The following KIF13B variants were observed in gnomAD, a reference collection of about 807,000 sequenced individuals.
KIF13B encodes the protein kinesin family member 13B, also known as kinesin-like protein KIF13B.
A neutral mutation model predicts 222.0 loss-of-function variants in KIF13B; 127 were observed. The observed-to-expected ratio is 0.57, with a 90% confidence interval of 0.50 to 0.66. KIF13B has a LOEUF of 0.66. Among genes scored for constraint, KIF13B ranks in the 30% least tolerant of loss-of-function variants. The probability of loss-of-function intolerance (pLI) is 0.00; values close to 1 mark genes in which losing one functional copy is unlikely to be tolerated. For synonymous variants in KIF13B, 976 were observed against 919.0 expected (o/e 1.06, Z -1.12); for missense variants, 2,173 against 2,379.0 (o/e 0.91, Z 1.80).
At chr8:29,072,822 G>A (rs1358289456) in intron 38 of KIF13B, among the ~76,000 whole-genome samples, 1 of 152,180 alleles carries the variant, frequency 6.6e-6, no homozygotes, top group Non-Finnish European at 1.5e-5. Context: ...GTAGGTGCAC[G>A]CTAAAACCCT....
intron 3 of KIF13B, among the ~76,000 whole-genome samples, chr8:29,191,708 A>C (rs1385679671): frequency 6.6e-6 from 1 of 152,182 alleles, no homozygotes; most frequent in Non-Finnish European, 1.5e-5. Flanking sequence ...CCTTATCACC[A>C]CTTTCTAGAA....
chr8:29,181,962 G>C lies in KIF13B; in HGVS notation c.542C>G (p.Pro181Arg). 1 of 1,613,596 alleles carries C rather than the reference G, an allele frequency of 6.2e-7. No individual in the cohort carries two copies. The highest frequency in any genetic ancestry group is 8.5e-7 in the Non-Finnish European group (1 of 1,179,698). The stretch of plus-strand genomic sequence containing the variant: ...CAGTTTAGAAAGTCCGTCGACATAA[G>C]GTCCCAACACACTATGCTCTCTGAC... ...LKVREHSVLG[P>R]YVDGLSKLAV... is the part of the protein sequence containing the mutation. The change falls in exon 7 of 40, where the codon CCT becomes CGT. Residue 181 changes from proline (P) to arginine (R), a missense_variant. This residue lies in a region of KIF13B where 1,480 missense variants were observed against 1,722.8 expected (regional missense o/e 0.86). Transcript: ENST00000524189.
intron 21 of KIF13B, among the ~76,000 whole-genome samples, chr8:29,135,711 A>C (rs750299660): frequency 6.6e-6 from 1 of 152,170 alleles, no homozygotes; most frequent in Non-Finnish European, 1.5e-5. Flanking sequence ...CCTGGCCGAC[A>C]TGGTGAAACC....
At chr8:29,117,697 T>C (rs1809668003) in intron 30 of KIF13B, among the ~76,000 whole-genome samples, 1 of 152,184 alleles carries the variant, frequency 6.6e-6, no homozygotes, top group Non-Finnish European at 1.5e-5. Flanking sequence ...TATTAAGTAA[T>C]AATGTGTCCT....
At chr8:29,080,327 CAAAAAAAAAAA>C (rs5890439) in intron 37 of KIF13B, among the ~76,000 whole-genome samples, 3 of 67,152 alleles carry the variant, frequency 4.5e-5, no homozygotes, top group Admixed American at 1.9e-4. Context: ...GACCCAGTCT[CAAAAAAAAAAA>C]AAAAAAAAAA....
chr8:29,122,089 C>T (rs988885591), intron 29 of KIF13B, among the ~76,000 whole-genome samples: 7 of 152,042 alleles, frequency 4.6e-5, no homozygotes, highest in Non-Finnish European at 8.8e-5. Context: ...CCCGTCTCTA[C>T]TAAAAATACA....
Position 29,196,209 on chromosome 8 carries a change from C to A in KIF13B, c.150-10G>T. Reference sequence around the variant, plus strand: ...TACCTTCGGCTGGCCCCTGAGCTCCCAAAACAGATGTCATCATTGACGTGA... The same window carrying A: ...TACCTTCGGCTGGCCCCTGAGCTCCAAAAACAGATGTCATCATTGACGTGA... On this transcript the variant is annotated splice_polypyrimidine_tract_variant and intron_variant, in intron 2 of 39. Transcript: ENST00000524189. The A allele has an allele frequency of 6.4e-7, 1 of 1,553,416 alleles. No individual in the cohort carries two copies. Among genetic ancestry groups the A allele is most frequent in the Non-Finnish European group, 8.7e-7 (1 of 1,148,778 alleles).
intron 1 of KIF13B, among the ~76,000 whole-genome samples, chr8:29,245,945 A>G (rs918477349): frequency 1.3e-5 from 2 of 152,246 alleles, no homozygotes; most frequent in Non-Finnish European, 2.9e-5. Context: ...CGTCAAAAAT[A>G]TCAAAATACT....
At chr8:29,156,140 T>C (rs914287153) in intron 13 of KIF13B, among the ~76,000 whole-genome samples, 2 of 152,210 alleles carry the variant, frequency 1.3e-5, no homozygotes, top group South Asian at 2.1e-4. Flanking sequence ...AGCTCATTTT[T>C]TTGTATTTTT....
Position 29,188,559 on chromosome 8 carries a change from G to C in KIF13B, c.272C>G (p.Ala91Gly). The change falls in exon 5 of 40, where the codon GCT becomes GGT. Residue 91 changes from alanine (A) to glycine (G), a missense_variant. Physicochemically the swap from Ala to Gly is moderately conservative, Grantham distance 60. Around this residue, in one of 2 missense-constraint regions of KIF13B, gnomAD observed 1,480 missense variants for 1,722.8 expected, o/e 0.86. Coordinates refer to ENST00000524189, the MANE Select transcript of KIF13B (RefSeq NM_015254.4). ...KCLGENILQN[A>G]FDGYNACIFA... ...GATACATGCATTGTAGCCATCAAAA[G>C]CATTCTGCAGGATATTCTCTCCAAG... 6.2e-7 allele frequency: 1 copy of C among 1,612,298 alleles called. No individual in the cohort carries two copies. The highest frequency in any genetic ancestry group is 8.5e-7 in the Non-Finnish European group (1 of 1,178,690).
rs1477957078 is a variant in KIF13B, at chr8:29,070,720, G to T, written c.5265C>A (p.Asn1755Lys). Residue 1755 changes from asparagine (N) to lysine (K), a missense_variant, in exon 40 of 40, where the codon AAC becomes AAA. Asn to Lys is a moderately conservative substitution (Grantham distance 94). This residue lies in a region of KIF13B where 693 missense variants were observed against 656.2 expected (regional missense o/e 1.06). Transcript: ENST00000524189. This position sits in a 1 kb window ranked among gnomAD's most constrained non-coding sequence, Gnocchi z 4.1. The part of the protein sequence containing the change: ...SIGGKQYFRC[N>K]PGYGLLVRPS... ...GCCTGACCAGCAGCCCGTAGCCAGG[G>T]TTACACCTGAAGTACTGCTTCCCGC... The T allele has an allele frequency of 2.6e-6, 4 of 1,563,724 alleles. No homozygotes were observed. Among genetic ancestry groups the T allele is most frequent in the Non-Finnish European group, 3.5e-6 (4 of 1,154,830 alleles).
intron 2 of KIF13B, among the ~76,000 whole-genome samples, chr8:29,236,286 T>C (rs118088346): frequency 0.012 from 1,774 of 152,298 alleles, 17 homozygotes; most frequent in Non-Finnish European, 0.018. Context: ...CATTAAAACA[T>C]CTGTGGGTAA....
chr8:29,168,169 T>C (rs1452047302), intron 10 of KIF13B, among the ~76,000 whole-genome samples: 1 of 152,246 alleles, frequency 6.6e-6, no homozygotes, highest in East Asian at 1.9e-4. Flanking sequence ...CTTCAAAAGC[T>C]ACTAAGATTG....
At chr8:29,119,054 A>G (rs1809735779) in intron 29 of KIF13B, 62 bp from the exon 30 acceptor site, 21 of 1,512,634 alleles carry the variant, frequency 1.4e-5, no homozygotes, top group Non-Finnish European at 1.6e-5. Flanking sequence ...CCTACCAGCT[A>G]AATTTCAATG....
chr8:29,193,089 T>C (rs1027758387), intron 3 of KIF13B, among the ~76,000 whole-genome samples: 2 of 151,842 alleles, frequency 1.3e-5, no homozygotes, highest in Non-Finnish European at 2.9e-5. Context: ...TGCATCTCTG[T>C]GTGAAACAGC....
At position 29,262,982 on chromosome 8, in the gene KIF13B, C is replaced by T. The variant is rs1030759553; in HGVS notation, c.53G>A (p.Arg18Gln). Residue 18 changes from arginine to glutamine, a missense_variant and splice_region_variant, in exon 1 of 40, where the codon CGA becomes CAA. Coordinates refer to ENST00000524189, the MANE Select transcript of KIF13B (RefSeq NM_015254.4). Reference sequence around the variant, plus strand: ...GCCCAGGAGGGCTCGGCTCTCACCTCGCCGGTTCATGGGTCGTATCCGCAC... The same window carrying T: ...GCCCAGGAGGGCTCGGCTCTCACCTTGCCGGTTCATGGGTCGTATCCGCAC... ...VAVRIRPMNR[R>Q]ETDLHTKCVV... The T allele has an allele frequency of 6.3e-7, 1 of 1,591,648 alleles. No individual in the cohort carries two copies.
intron 24 of KIF13B, 77 bp downstream of exon 24, chr8:29,130,456 C>A: frequency 7.0e-7 from 1 of 1,438,378 alleles, no homozygotes; most frequent in Non-Finnish European, 9.7e-7. Context: ...TTATTGCCAA[C>A]ATTTCCACTA....
chr8:29,165,549 G>T, intron 12 of KIF13B, 113 bp downstream of exon 12: 1 of 654,450 alleles, frequency 1.5e-6, no homozygotes, highest in Non-Finnish European at 2.7e-6. Context: ...TAATGATAGT[G>T]TGAGATTTGC....
At chr8:29,132,613 A>C in intron 22 of KIF13B, 148 bp from the exon 23 acceptor site, 4 of 473,554 alleles carry the variant, frequency 8.4e-6, no homozygotes, top group Non-Finnish European at 1.0e-5. Flanking sequence ...TCTAAAACCC[A>C]TAATGAATGC....
Sources: allele counts gnomAD v4.1 joint callset (sites outside exome capture counted in the v4.1 genomes callset), GRCh38; gene constraint gnomAD v4.1.1; regional missense constraint gnomAD v4.1.1; non-coding constraint Gnocchi (gnomAD v3.1); transcripts MANE v1.5; gene names NCBI Gene and HGNC (gene_info 2026-07-23, HGNC 2026-07-21).